The following IQSEC1 variants were observed in gnomAD, a reference collection of about 807,000 sequenced individuals.
IQSEC1 encodes IQ motif and Sec7 domain ArfGEF 1.
Under a neutral mutation model 91.0 loss-of-function variants are expected in IQSEC1, and 31 were observed. That is an observed-to-expected ratio of 0.34 (90% CI 0.26 to 0.46). IQSEC1 has a LOEUF of 0.46. Ranked by LOEUF, IQSEC1 falls within the 20% of genes least tolerant of loss-of-function variation. The pLI, the probability that IQSEC1 is intolerant of heterozygous loss-of-function variation, is 1.00. For synonymous variants in IQSEC1, 699 were observed against 662.6 expected (o/e 1.05, Z -0.84); for missense variants, 1,388 against 1,575.6 (o/e 0.88, Z 2.02).
At chr3:12,952,640 T>C (rs560048916) in intron 1 of IQSEC1, among the ~76,000 whole-genome samples, 4 of 152,110 alleles carry the variant, frequency 2.6e-5, no homozygotes, top group African/African-American at 9.6e-5. Flanking sequence ...CCTGCCACCC[T>C]CCTCTGAACC....
chr3:12,897,949 C>CATGAT lies in IQSEC1; in HGVS notation c.*3029_*3033dup, dbSNP rs1282620685. On this transcript the variant is annotated 3_prime_UTR_variant, in exon 14 of 14. Coordinates refer to ENST00000613206, the MANE Select transcript of IQSEC1 (RefSeq NM_001134382.3). Reference sequence around the variant, plus strand: ...TGGTAAACTTAAAAAAATACAAATACATGATTTGATTGTTGTCCCAGAAAA... The same window carrying CATGAT: ...TGGTAAACTTAAAAAAATACAAATACATGATATGATTTGATTGTTGTCCCAGAAAA... 6.6e-6 allele frequency: 1 copy of CATGAT among 152,244 alleles called. No individual in the cohort carries two copies. The highest frequency in any genetic ancestry group is 1.5e-5 in the Non-Finnish European group (1 of 68,046). 9.4% of individuals were successfully genotyped at this position (152,244 alleles called of 1,614,324 possible). A position where few individuals can be genotyped will look rare whatever the true frequency, so the allele number is the denominator to read the frequency against.
intron 1 of IQSEC1, among the ~76,000 whole-genome samples, chr3:13,274,190 A>C (rs1695636033): frequency 6.6e-6 from 1 of 152,066 alleles, no homozygotes; most frequent in Non-Finnish European, 1.5e-5. Context: ...ATCCACAAAC[A>C]TGCCTGCCCC....
At chr3:13,236,402 T>A (rs1694929133) in intron 1 of IQSEC1, among the ~76,000 whole-genome samples, 1 of 152,222 alleles carries the variant, frequency 6.6e-6, no homozygotes, top group South Asian at 2.1e-4. Flanking sequence ...AAACTGGCCA[T>A]CTTTTCTGCG....
chr3:12,969,229 A>G (rs1232454605), intron 1 of IQSEC1, among the ~76,000 whole-genome samples: 1 of 152,196 alleles, frequency 6.6e-6, no homozygotes, highest in Non-Finnish European at 1.5e-5. Context: ...ACAATTCAAA[A>G]ATAATAAGGC....
chr3:12,936,023 G>A lies in IQSEC1; in HGVS notation c.993C>T (p.Ala331=). 2 of 1,601,700 alleles carry A rather than the reference G, an allele frequency of 1.2e-6. No individual in the cohort carries two copies. The highest frequency in any genetic ancestry group is 1.7e-6 in the Non-Finnish European group (2 of 1,179,800). ...CAGCCTTGTCCTCTTTGTGGGCCAGGGCCCAGTAGTCTGGGGCTGCGCCCC... is the reference window on the plus strand; with the variant it reads ...CAGCCTTGTCCTCTTTGTGGGCCAGAGCCCAGTAGTCTGGGGCTGCGCCCC... ...RAGGAAPDYW[A]LAHKEDKADT... Residue 331 remains alanine, a synonymous_variant, in exon 3 of 14, where the codon GCC becomes GCT. Coordinates refer to ENST00000613206, the MANE Select transcript of IQSEC1 (RefSeq NM_001134382.3).
intron 1 of IQSEC1, among the ~76,000 whole-genome samples, chr3:13,012,978 T>TTTTTTTTTC (rs1199904333): frequency 1.3e-4 from 20 of 149,166 alleles, no homozygotes; most frequent in Middle Eastern, 6.9e-3. Flanking sequence ...TTTTTTTTTT[T>TTTTTTTTTC]TTGAGACAGT....
At chr3:13,143,329 G>A (rs1706832268) in intron 2 of IQSEC1, among the ~76,000 whole-genome samples, 1 of 152,184 alleles carries the variant, frequency 6.6e-6, no homozygotes, top group Non-Finnish European at 1.5e-5. Flanking sequence ...GCTCCTTTCT[G>A]GGATGGGTGA....
intron 1 of IQSEC1, among the ~76,000 whole-genome samples, chr3:12,942,464 G>A (rs193044270): frequency 5.9e-5 from 9 of 152,204 alleles, no homozygotes; most frequent in East Asian, 3.9e-4. Context: ...TTAGCCGGGC[G>A]TGGTGGTGGT....
At chr3:13,126,272 T>C (rs532270122) in intron 2 of IQSEC1, among the ~76,000 whole-genome samples, 8 of 152,336 alleles carry the variant, frequency 5.3e-5, no homozygotes, top group Middle Eastern at 3.4e-3. Context: ...AACGGGATCA[T>C]ATGGTGTGCA....
chr3:13,125,186 C>A (rs747407779), intron 2 of IQSEC1, among the ~76,000 whole-genome samples: 1 of 152,194 alleles, frequency 6.6e-6, no homozygotes, highest in Non-Finnish European at 1.5e-5. Context: ...CTTAAACATG[C>A]CAAGCAAACC....
At chr3:12,906,468 C>A (rs1694994352) in intron 12 of IQSEC1, among the ~76,000 whole-genome samples, 1 of 152,250 alleles carries the variant, frequency 6.6e-6, no homozygotes, top group African/African-American at 2.4e-5. Context: ...GGGGCCTCGG[C>A]AGCTGCCTGG....
intron 1 of IQSEC1, among the ~76,000 whole-genome samples, chr3:13,281,819 T>C (rs1695794709): frequency 6.6e-6 from 1 of 152,184 alleles, no homozygotes; most frequent in African/African-American, 2.4e-5. Flanking sequence ...CAAGCCATAG[T>C]GGGCCCCGGG....
intron 1 of IQSEC1, among the ~76,000 whole-genome samples, chr3:13,240,613 C>T (rs1695005553): frequency 6.6e-6 from 1 of 152,098 alleles, no homozygotes; most frequent in Admixed American, 6.5e-5. Context: ...AAAATGCATG[C>T]CCCTCAGCGC....
intron 1 of IQSEC1, among the ~76,000 whole-genome samples, chr3:12,954,726 A>T (rs1699789157): frequency 1.3e-5 from 2 of 152,202 alleles, no homozygotes; most frequent in Admixed American, 1.3e-4. Flanking sequence ...GTGCCTAAAT[A>T]GGGCTGGGCA....
intron 1 of IQSEC1, among the ~76,000 whole-genome samples, chr3:13,003,995 C>T (rs361021): frequency 0.56 from 84,793 of 151,964 alleles, 23,855 homozygotes; most frequent in South Asian, 0.64. Context: ...GAATGGTACA[C>T]GGGAGAATTT....
intron 1 of IQSEC1, among the ~76,000 whole-genome samples, chr3:12,958,468 G>A (rs1486880454): frequency 6.6e-6 from 1 of 152,172 alleles, no homozygotes; most frequent in Non-Finnish European, 1.5e-5. Flanking sequence ...TGCTGTGAGG[G>A]CCATATAATA....
rs1438093070 is a variant in IQSEC1 at position 13,211,825 on chromosome 3, C to T, written c.273-47692G>A. ...ATCCCTAAAAGCCCACGGCAAATGCCGCACCCTCCATGCAGCCCTCGCCCA... is the reference window on the plus strand; with the variant it reads ...ATCCCTAAAAGCCCACGGCAAATGCTGCACCCTCCATGCAGCCCTCGCCCA... On this transcript the variant is annotated intron_variant, in intron 1 of 15. Coordinates refer to the IQSEC1 transcript ENST00000648114. The surrounding 1 kb of genome is among the most constrained non-coding windows in gnomAD (Gnocchi z 5.3). Among the ~76,000 whole-genome samples, 7 of 152,232 alleles carry T rather than the reference C, an allele frequency of 4.6e-5. No individual in the cohort carries two copies. Among genetic ancestry groups the T allele is most frequent in the African/African-American group, 1.2e-4 (5 of 41,474 alleles).
intron 1 of IQSEC1, among the ~76,000 whole-genome samples, chr3:13,210,547 T>C (rs561986071): frequency 6.6e-6 from 1 of 152,158 alleles, no homozygotes; most frequent in Non-Finnish European, 1.5e-5. Context: ...TGCGTGTCCA[T>C]GCGGCTTAAC....
intron 2 of IQSEC1, among the ~76,000 whole-genome samples, chr3:13,117,244 A>C (rs2124881502): frequency 6.6e-6 from 1 of 151,332 alleles, no homozygotes; most frequent in South Asian, 2.1e-4. Context: ...GTCATCAGAG[A>C]AAGCAAATCA....
Sources: allele counts gnomAD v4.1 joint callset (sites outside exome capture counted in the v4.1 genomes callset), GRCh38; gene constraint gnomAD v4.1.1; non-coding constraint Gnocchi (gnomAD v3.1); transcripts MANE v1.5; gene names NCBI Gene and HGNC (gene_info 2026-07-23, HGNC 2026-07-21).